MYH10: variants seen among roughly 807,000 people sequenced by gnomAD.
The protein encoded by MYH10 is myosin heavy chain 10.
In MYH10, 55 loss-of-function variants were observed where a neutral mutation model predicts 257.8. The ratio of observed to expected loss-of-function variants is 0.21; its 90% CI spans 0.17 to 0.27. The LOEUF (loss-of-function observed/expected upper bound fraction) is 0.27, where lower values mean the gene tolerates loss of function less well. MYH10 is among the 10% of genes least tolerant of loss of function. MYH10 has a pLI of 1.00. For synonymous variants in MYH10, 854 were observed against 921.7 expected (o/e 0.93, Z 1.33); for missense variants, 1,631 against 2,500.6 (o/e 0.65, Z 7.42).
chr17:8,487,634 T>C, intron 35 of MYH10, 40 bp from the exon 36 acceptor site: 1 of 1,611,910 alleles, frequency 6.2e-7, no homozygotes, highest in Non-Finnish European at 8.5e-7. Context: ...TACATCCAAG[T>C]ATCTGCTCGC....
At chr17:8,571,496 TC>T (rs2152005511) in intron 6 of MYH10, among the ~76,000 whole-genome samples, 1 of 152,154 alleles carries the variant, frequency 6.6e-6, no homozygotes, top group South Asian at 2.1e-4. Flanking sequence ...AAAATGCCAG[TC>T]AGGGGCCAGG....
chr17:8,530,764 G>A (rs2081984205), intron 16 of MYH10, 79 bp from the exon 17 acceptor site: 2 of 1,094,398 alleles, frequency 1.8e-6, no homozygotes, highest in Non-Finnish European at 2.6e-6. Flanking sequence ...ACATTTGACA[G>A]CACAAGTCAA....
chr17:8,629,980 A>G (rs2085846547), intron 1 of MYH10, among the ~76,000 whole-genome samples: 1 of 151,670 alleles, frequency 6.6e-6, no homozygotes, highest in African/African-American at 2.4e-5. Context: ...CGCAGAGCCA[A>G]TGCCCTCCTG....
intron 33 of MYH10, 36 bp from the exon 34 acceptor site, chr17:8,492,545 A>C: frequency 6.4e-7 from 1 of 1,570,882 alleles, no homozygotes; most frequent in Non-Finnish European, 8.6e-7. Flanking sequence ...CGAAAAACCG[A>C]AACAGTGACA....
At chr17:8,577,751 C>T (rs1196080822) in intron 4 of MYH10, among the ~76,000 whole-genome samples, 2 of 152,120 alleles carry the variant, frequency 1.3e-5, no homozygotes, top group African/African-American at 2.4e-5. Flanking sequence ...AGGCTGGTCT[C>T]GAACTCCTGG....
At chr17:8,555,785 T>C (rs1008278935) in intron 7 of MYH10, among the ~76,000 whole-genome samples, 1 of 152,164 alleles carries the variant, frequency 6.6e-6, no homozygotes, top group Admixed American at 6.5e-5. Context: ...TAAAAACTGG[T>C]AAAATGGATT....
chr17:8,552,786 TGC>T lies in MYH10; in HGVS notation c.821-644_821-643del, dbSNP rs1426748376. 6.6e-6 allele frequency among the ~76,000 whole-genome samples: 1 copy of T among 152,240 alleles called. No homozygotes were observed. The highest frequency in any genetic ancestry group is 1.5e-5 in the Non-Finnish European group (1 of 68,038). On this transcript the variant is annotated intron_variant, in intron 8 of 42. Transcript: ENST00000360416. This position sits in a 1 kb window ranked among gnomAD's most constrained non-coding sequence, Gnocchi z 4.8. ...GATTAAGCACTAGTCTTCCCTCTGC[TGC>T]TCTGAAGAACCGGTGCGGCCAGTAC...
At chr17:8,528,745 A>G (rs1355601044) in intron 17 of MYH10, among the ~76,000 whole-genome samples, 3 of 152,158 alleles carry the variant, frequency 2.0e-5, no homozygotes, top group Non-Finnish European at 2.9e-5. Context: ...TGGAAATATT[A>G]AAGTCCTACA....
At chr17:8,611,143 A>G (rs1011628025) in intron 2 of MYH10, among the ~76,000 whole-genome samples, 3 of 152,202 alleles carry the variant, frequency 2.0e-5, no homozygotes, top group African/African-American at 7.2e-5. Context: ...GCGGTGGTAA[A>G]TACCCCAAGC....
rs186779461 is a variant in MYH10 at position 8,549,461 on chromosome 17, C to G, written c.920-674G>C. Among the ~76,000 whole-genome samples, 924 of 152,254 alleles carry G rather than the reference C, an allele frequency of 6.1e-3. 15 individuals carry two copies. Among genetic ancestry groups the G allele is most frequent in the African/African-American group, 0.02 (828 of 41,536 alleles). ...CTTTTGACAAATGCATTCTTGAGAGCCAAAGAATATTTCTCAGGAGTGCTC... is the reference window on the plus strand; with the variant it reads ...CTTTTGACAAATGCATTCTTGAGAGGCAAAGAATATTTCTCAGGAGTGCTC... On this transcript the variant is annotated intron_variant, in intron 9 of 42. Coordinates refer to ENST00000360416, the MANE Select transcript of MYH10 (RefSeq NM_001256012.3).
At position 8,492,631 on chromosome 17, in the gene MYH10, CTTTTTTTT is replaced by C. The variant is rs74648985; in HGVS notation, c.4459-130_4459-123del. ...CTAGATTATGGTGTTCTTGTATTTC[CTTTTTTTT>C]TTTTTTTTTGCTTTCCCTTTTTCCA... On this transcript the variant is annotated intron_variant, in intron 33 of 42. Coordinates refer to ENST00000360416, the MANE Select transcript of MYH10 (RefSeq NM_001256012.3). The C allele has an allele frequency of 2.0e-5, 19 of 949,814 alleles. No homozygotes were observed. The Admixed American group carries it at 4.3e-4, about 22-fold the overall frequency. The allele number at this position is 949,814 out of a possible 1,614,324, so 58.8% of individuals were successfully genotyped here.
intron 16 of MYH10, among the ~76,000 whole-genome samples, chr17:8,531,279 T>C (rs868476181): frequency 6.6e-6 from 1 of 152,178 alleles, no homozygotes; most frequent in African/African-American, 2.4e-5. Context: ...AGCGAGATTA[T>C]ACTTATTGAT....
intron 30 of MYH10, among the ~76,000 whole-genome samples, chr17:8,496,010 G>A (rs534655621): frequency 6.6e-6 from 1 of 152,212 alleles, no homozygotes; most frequent in South Asian, 2.1e-4. Context: ...CACCCGGCTG[G>A]AAGTTCTTTT....
chr17:8,630,348 C>T lies in MYH10; in HGVS notation c.-32+306G>A, dbSNP rs865879946. The stretch of plus-strand genomic sequence containing the variant: ...CCCCAGGGGTCGCCCTCCTGCACAC[C>T]CAGGCCCTGACCCCCGCGGGTTTCA... On this transcript the variant is annotated intron_variant, in intron 1 of 42. Transcript: ENST00000360416. Among the ~76,000 whole-genome samples the T allele has an allele frequency of 5.1e-4, 77 of 151,656 alleles. 1 individual carries two copies. The Middle Eastern group carries it at 0.014, about 28-fold the overall frequency.
At position 8,604,307 on chromosome 17, in the gene MYH10, C is replaced by T. The variant is rs545436349; in HGVS notation, c.502+519G>A. On this transcript the variant is annotated intron_variant, in intron 3 of 42. Coordinates refer to ENST00000360416, the MANE Select transcript of MYH10 (RefSeq NM_001256012.3). ...AATGTCCCTCCATAAATCACTGTGT[C>T]TAAAGCCAGGGTTCAAATGAATGAC... 3.6e-4 allele frequency among the ~76,000 whole-genome samples: 55 copies of T among 152,276 alleles called. No individual in the cohort carries two copies. In the South Asian group the frequency reaches 4.8e-3, roughly 13 times the overall value.
At chr17:8,524,128 A>G (rs145473912) in intron 17 of MYH10, among the ~76,000 whole-genome samples, 1 of 152,084 alleles carries the variant, frequency 6.6e-6, no homozygotes, top group East Asian at 1.9e-4. Context: ...CAAGGAGCTC[A>G]GCAGAGGAGG....
intron 33 of MYH10, 130 bp from the exon 34 acceptor site, chr17:8,492,639 T>G: frequency 8.3e-7 from 1 of 1,212,016 alleles, no homozygotes; most frequent in Non-Finnish European, 1.1e-6. Context: ...TCCTTTTTTT[T>G]TTTTTTTTTG....
chr17:8,484,190 T>C lies in MYH10; in HGVS notation c.5123A>G (p.Glu1708Gly), dbSNP rs377715911. The C allele has an allele frequency of 8.7e-6, 14 of 1,612,406 alleles. No homozygotes were observed. Among genetic ancestry groups the C allele is most frequent in the African/African-American group, 1.3e-5 (1 of 74,818 alleles). The stretch of plus-strand genomic sequence containing the variant: ...CAGACTCTTCAATTTCTTTTCACTC[T>C]CTTTGGATTGAGCAAAAATCTCATC... ...SRDEIFAQSK[E>G]SEKKLKSLEA... The change falls in exon 37 of 43, where the codon GAG becomes GGG. Residue 1708 changes from glutamate (E) to glycine (G), a missense_variant. Transcript: ENST00000360416.
chr17:8,593,744 G>A (rs1367580246), intron 3 of MYH10, among the ~76,000 whole-genome samples: 1 of 152,092 alleles, frequency 6.6e-6, no homozygotes, highest in African/African-American at 2.4e-5. Context: ...CAATATTGTT[G>A]TTAATTCGGC....
Sources: allele counts gnomAD v4.1 joint callset (sites outside exome capture counted in the v4.1 genomes callset), GRCh38; gene constraint gnomAD v4.1.1; non-coding constraint Gnocchi (gnomAD v3.1); transcripts MANE v1.5; gene names NCBI Gene and HGNC (gene_info 2026-07-23, HGNC 2026-07-21).